Variants in SLC7A14 observed in about 807,000 individuals in gnomAD.
The protein encoded by SLC7A14 is solute carrier family 7 member 14.
A neutral mutation model predicts 60.2 loss-of-function variants in SLC7A14; 37 were observed. That is an observed-to-expected ratio of 0.61 (90% CI 0.47 to 0.81). SLC7A14 has a LOEUF of 0.81. Ranked by LOEUF, SLC7A14 falls within the 30% of genes least tolerant of loss-of-function variation. The probability of loss-of-function intolerance (pLI) is 0.00; values close to 1 mark genes in which losing one functional copy is unlikely to be tolerated. For missense variants in SLC7A14, 886 were observed against 982.7 expected (o/e 0.90, Z 1.32); for synonymous variants, 399 against 395.8 (o/e 1.01, Z -0.10).
chr3:170,473,505 C>T (rs2108265122), intron 7 of SLC7A14, among the ~76,000 whole-genome samples: 1 of 152,296 alleles, frequency 6.6e-6, no homozygotes, highest in Admixed American at 6.5e-5. Flanking sequence ...GTGCACTTTC[C>T]AGCAGGAAGC....
intron 7 of SLC7A14, chr3:170,476,895 C>T (rs1025292741): frequency 2.6e-5 from 4 of 152,250 alleles, no homozygotes; most frequent in Non-Finnish European, 5.9e-5. Context: ...TGCCACCTGA[C>T]TGTTTTTGCA....
intron 1 of SLC7A14, among the ~76,000 whole-genome samples, chr3:170,539,884 G>T (rs148884563): frequency 2.6e-5 from 4 of 152,254 alleles, no homozygotes; most frequent in African/African-American, 9.6e-5. Flanking sequence ...CACAGTAAGA[G>T]ATTAACAACA....
Position 170,585,411 on chromosome 3 carries a change from G to T in SLC7A14, c.-153+500C>A, listed in dbSNP as rs1490911610. 1.3e-5 allele frequency among the ~76,000 whole-genome samples: 2 copies of T among 152,160 alleles called. No individual in the cohort carries two copies. Among genetic ancestry groups the T allele is most frequent in the Non-Finnish European group, 2.9e-5 (2 of 68,014 alleles). ...AGGTAAAAGGGCAGACGTTGCTCCC[G>T]ACCTCCCCGGAGTCTGCGGCCGGAA... On this transcript the variant is annotated intron_variant, in intron 1 of 7. Transcript: ENST00000231706. The surrounding 1 kb of genome is among the most constrained non-coding windows in gnomAD (Gnocchi z 5.1).
chr3:170,504,405 C>T (rs1712705871), intron 2 of SLC7A14, among the ~76,000 whole-genome samples: 1 of 152,148 alleles, frequency 6.6e-6, no homozygotes, highest in East Asian at 1.9e-4. Flanking sequence ...AATGCAACCT[C>T]CACCTCCTGG....
At position 170,467,370 on chromosome 3, in the gene SLC7A14, G is replaced by T; in HGVS notation, c.2001C>A (p.Leu667=). 1 of 1,593,728 alleles carries T rather than the reference G, an allele frequency of 6.3e-7. No homozygotes were observed. The highest frequency in any genetic ancestry group is 8.6e-7 in the Non-Finnish European group (1 of 1,168,616). ...TCCAGATGCCATATCCAAAATAAAT[G>T]AGCAGACCTGTGGGGCGAGGGGAAA... The part of the protein sequence containing the change: ...RFAVWCFVGL[L]IYFGYGIWNS... Residue 667 remains leucine, a synonymous_variant, in exon 8 of 8, where the codon CTC becomes CTA. Coordinates refer to ENST00000231706, the MANE Select transcript of SLC7A14 (RefSeq NM_020949.3).
Position 170,461,398 on chromosome 3 carries a change from A to G in SLC7A14, c.*5657T>C, listed in dbSNP as rs910427755. On this transcript the variant is annotated 3_prime_UTR_variant, in exon 8 of 8. Transcript: ENST00000231706. ...CTAGCTGTTTCAGAATGATTTCAGA[A>G]TGATGCCTGCATTACTCAAGCAGGA... is the stretch of plus-strand genomic sequence containing the variant. The G allele has an allele frequency of 7.2e-5, 11 of 152,254 alleles. No homozygotes were observed. The highest frequency in any genetic ancestry group is 2.7e-4 in the African/African-American group (11 of 41,464). The allele number at this position is 152,254 out of a possible 1,614,324, so 9.4% of individuals were successfully genotyped here.
At chr3:170,507,963 G>T (rs996866597) in intron 2 of SLC7A14, among the ~76,000 whole-genome samples, 2 of 152,150 alleles carry the variant, frequency 1.3e-5, no homozygotes, top group Non-Finnish European at 1.5e-5. Flanking sequence ...CATCAGAGTT[G>T]TTCTTTTATT....
chr3:170,518,651 C>G (rs1455116051), intron 2 of SLC7A14, among the ~76,000 whole-genome samples: 1 of 152,302 alleles, frequency 6.6e-6, no homozygotes, highest in Non-Finnish European at 1.5e-5. Flanking sequence ...CCTTTGAGAA[C>G]CTTCTTTGTT....
chr3:170,521,876 G>A (rs750336681), intron 2 of SLC7A14, among the ~76,000 whole-genome samples: 16 of 151,934 alleles, frequency 1.1e-4, no homozygotes, highest in Non-Finnish European at 2.2e-4. Context: ...AGCCGAGATC[G>A]TGCCATTGCA....
In SLC7A14 at chr3:170,572,976, G is replaced by A. The variant is rs568986133; in HGVS notation, c.-153+12935C>T. On this transcript the variant is annotated intron_variant, in intron 1 of 7. Transcript: ENST00000231706. ...CCTCTTTTAGAGGTAGCAATGTTGC[G>A]TGATTTTTAAAAAAAACCTCTTGGG... 4.7e-4 allele frequency among the ~76,000 whole-genome samples: 71 copies of A among 152,196 alleles called. 1 individual carries two copies. The highest frequency in any genetic ancestry group is 1.4e-3 in the African/African-American group (57 of 41,522).
chr3:170,559,449 T>C (rs981669034), intron 1 of SLC7A14, among the ~76,000 whole-genome samples: 5 of 152,206 alleles, frequency 3.3e-5, no homozygotes, highest in Non-Finnish European at 7.3e-5. Context: ...ATCCATAACA[T>C]CACTTTAACA....
At chr3:170,503,073 T>C (rs1215716439) in intron 2 of SLC7A14, 1 of 152,230 alleles carries the variant, frequency 6.6e-6, no homozygotes, top group Non-Finnish European at 1.5e-5. Flanking sequence ...TTCAGTATTA[T>C]GGAGATGCTG....
chr3:170,514,520 T>A (rs1046348866), intron 2 of SLC7A14, among the ~76,000 whole-genome samples: 2 of 152,254 alleles, frequency 1.3e-5, no homozygotes, highest in African/African-American at 4.8e-5. Flanking sequence ...CTGTTTGTAA[T>A]TATTATACAT....
chr3:170,476,520 A>G (rs1157288543), intron 7 of SLC7A14, among the ~76,000 whole-genome samples: 1 of 152,192 alleles, frequency 6.6e-6, no homozygotes, highest in African/African-American at 2.4e-5. Flanking sequence ...GCTATCAGCA[A>G]GATTACAAAA....
At position 170,480,742 on chromosome 3, in the gene SLC7A14, C is replaced by T. The variant is rs150735619; in HGVS notation, c.1540G>A (p.Val514Met). 3.9e-4 allele frequency: 626 copies of T among 1,614,068 alleles called. No homozygotes were observed. The highest frequency in any genetic ancestry group is 3.2e-4 in the Admixed American group (19 of 60,014). The change falls in exon 7 of 8, where the codon GTG becomes ATG. Residue 514 changes from valine to methionine, a missense_variant. Transcript: ENST00000231706. The part of the protein sequence containing the change: ...YNVNHPNYGT[V>M]DMTTGIEADE... The stretch of plus-strand genomic sequence containing the variant: ...GCTTCTATGCCTGTGGTCATGTCCA[C>T]GGTGCCGTAATTGGGGTGGTTGACG...
At chr3:170,560,444 G>A (rs1252610843) in intron 1 of SLC7A14, among the ~76,000 whole-genome samples, 1 of 152,156 alleles carries the variant, frequency 6.6e-6, no homozygotes, top group Non-Finnish European at 1.5e-5. Context: ...ATGGTTAGGA[G>A]CAAGCAACTC....
At position 170,463,599 on chromosome 3, in the gene SLC7A14, C is replaced by T. The variant is rs10936635; in HGVS notation, c.*3456G>A. 1 of 152,248 alleles carries T rather than the reference C, an allele frequency of 6.6e-6. No individual in the cohort carries two copies. Among genetic ancestry groups the T allele is most frequent in the Admixed American group, 6.5e-5 (1 of 15,278 alleles). The allele number at this position is 152,248 out of a possible 1,614,324, so 9.4% of individuals were successfully genotyped here. A position where few individuals can be genotyped will look rare whatever the true frequency, so the allele number is the denominator to read the frequency against. On this transcript the variant is annotated 3_prime_UTR_variant, in exon 8 of 8. Coordinates refer to ENST00000231706, the MANE Select transcript of SLC7A14 (RefSeq NM_020949.3). The stretch of plus-strand genomic sequence containing the variant: ...GTGGTGTGATCATAGCTCACTGCAG[C>T]CTTGAACTCCTGGGCTCAAGTGATC...
At chr3:170,473,677 C>G (rs1455769223) in intron 7 of SLC7A14, among the ~76,000 whole-genome samples, 1 of 152,080 alleles carries the variant, frequency 6.6e-6, no homozygotes, top group Non-Finnish European at 1.5e-5. Context: ...ACCCCACCAA[C>G]TCCCACTATT....
chr3:170,509,501 T>C (rs780650208), intron 2 of SLC7A14, among the ~76,000 whole-genome samples: 5 of 152,212 alleles, frequency 3.3e-5, no homozygotes, highest in Admixed American at 6.5e-5. Flanking sequence ...GGAAGTTTAA[T>C]AATTTGTTGA....
Sources: gnomAD v4.1 joint callset for allele counts (sites outside exome capture counted in the v4.1 genomes callset) on GRCh38, gnomAD v4.1.1 for gene constraint, Gnocchi (gnomAD v3.1) non-coding constraint, MANE v1.5 for transcripts, NCBI Gene and HGNC (gene_info 2026-07-23, HGNC 2026-07-21) for gene names.